The following EIF3H variants were observed in gnomAD, a reference collection of about 807,000 sequenced individuals.
EIF3H encodes the protein eukaryotic translation initiation factor 3 subunit H.
Under a neutral mutation model 44.2 loss-of-function variants are expected in EIF3H, and 26 were observed. That is an observed-to-expected ratio of 0.59 (90% confidence interval 0.43 to 0.82). The LOEUF (loss-of-function observed/expected upper bound fraction) is 0.82, where lower values mean the gene tolerates loss of function less well. EIF3H is among the 40% of genes least tolerant of loss of function. The pLI is 0.00. For synonymous variants in EIF3H, 166 were observed against 151.9 expected (o/e 1.09, Z -0.68); for missense variants, 359 against 432.8 (o/e 0.83, Z 1.51).
intron 2 of EIF3H, among the ~76,000 whole-genome samples, chr8:116,682,268 G>A (rs1350485827): frequency 2.0e-5 from 3 of 152,134 alleles, no homozygotes; most frequent in Non-Finnish European, 4.4e-5. Flanking sequence ...TGGCAATCGG[G>A]GCAATACATA....
chr8:116,746,773 A>G (rs1447523907), intron 1 of EIF3H, among the ~76,000 whole-genome samples: 1 of 152,264 alleles, frequency 6.6e-6, no homozygotes, highest in Non-Finnish European at 1.5e-5. Flanking sequence ...AATATAACTA[A>G]GCAATCAAAA....
chr8:116,672,679 A>G (rs1223938764), intron 2 of EIF3H, among the ~76,000 whole-genome samples: 1 of 152,092 alleles, frequency 6.6e-6, no homozygotes, highest in Non-Finnish European at 1.5e-5. Context: ...GTCAGTGGTC[A>G]GGAGAGGGAG....
At chr8:116,717,426 G>A (rs969000178) in intron 2 of EIF3H, among the ~76,000 whole-genome samples, 2 of 151,946 alleles carry the variant, frequency 1.3e-5, no homozygotes, top group Non-Finnish European at 2.9e-5. Context: ...AACCAAAAAA[G>A]AGCCTTCATG....
chr8:116,755,979 A>T (rs1815442237), upstream of EIF3H: 1 of 1,536,134 alleles, frequency 6.5e-7, no homozygotes, highest in African/African-American at 1.4e-5. Flanking sequence ...TCCTTTGTGC[A>T]TGCCTACTGT....
At chr8:116,650,674 T>G (rs112831881) in intron 5 of EIF3H, among the ~76,000 whole-genome samples, 128 of 152,326 alleles carry the variant, frequency 8.4e-4, no homozygotes, top group African/African-American at 2.8e-3. Flanking sequence ...AGGACTCTTT[T>G]CTTTTTTTTG....
intron 2 of EIF3H, among the ~76,000 whole-genome samples, chr8:116,701,302 C>T (rs1239869015): frequency 6.6e-6 from 1 of 152,134 alleles, no homozygotes; most frequent in Non-Finnish European, 1.5e-5. Flanking sequence ...TAAATCTCAG[C>T]CCCTGAGCTC....
chr8:116,681,184 A>T (rs185187871), intron 2 of EIF3H, among the ~76,000 whole-genome samples: 2 of 147,604 alleles, frequency 1.4e-5, no homozygotes, highest in East Asian at 3.9e-4. Flanking sequence ...ACAACATGGT[A>T]AAACCCTGTC....
intron 1 of EIF3H, among the ~76,000 whole-genome samples, chr8:116,727,021 T>A (rs1193306353): frequency 6.6e-6 from 1 of 152,224 alleles, no homozygotes; most frequent in Non-Finnish European, 1.5e-5. Flanking sequence ...AATTGTAATG[T>A]AAAGTTCTCA....
chr8:116,734,967 G>A (rs1216231748), intron 1 of EIF3H, among the ~76,000 whole-genome samples: 1 of 152,094 alleles, frequency 6.6e-6, no homozygotes, highest in African/African-American at 2.4e-5. Context: ...ATCCTTTCAG[G>A]AAAAGTTACC....
At chr8:116,686,906 A>G (rs1228130541) in intron 2 of EIF3H, among the ~76,000 whole-genome samples, 1 of 152,204 alleles carries the variant, frequency 6.6e-6, no homozygotes, top group East Asian at 1.9e-4. Context: ...TATACTATAT[A>G]TAGGAGAAAG....
At position 116,643,291 on chromosome 8, in the gene EIF3H, T is replaced by A. The variant is rs1813251597; in HGVS notation, c.*1715A>T. 6.6e-6 allele frequency: 1 copy of A among 152,236 alleles called. No homozygotes were observed. The highest frequency in any genetic ancestry group is 1.5e-5 in the Non-Finnish European group (1 of 68,038). 9.4% of individuals were successfully genotyped at this position (152,236 alleles called of 1,614,324 possible). ...AGGAGGGCAAAACAGCAGAAACTTT[T>A]GAAGGCAATTTGGCAATACAGGTAA... On this transcript the variant is annotated 3_prime_UTR_variant, in exon 8 of 8. Transcript: ENST00000521861.
At chr8:116,665,686 G>T (rs1415986638) in intron 2 of EIF3H, among the ~76,000 whole-genome samples, 3 of 152,126 alleles carry the variant, frequency 2.0e-5, no homozygotes, top group African/African-American at 7.2e-5. Context: ...AAAATTATAG[G>T]CCTCCTTCCC....
chr8:116,703,126 T>C (rs1045484750), intron 2 of EIF3H, among the ~76,000 whole-genome samples: 5 of 152,194 alleles, frequency 3.3e-5, no homozygotes, highest in African/African-American at 7.2e-5. Flanking sequence ...GTAGATATGA[T>C]TATATATGAA....
At chr8:116,750,471 G>A (rs900359696) in intron 1 of EIF3H, among the ~76,000 whole-genome samples, 70 of 148,356 alleles carry the variant, frequency 4.7e-4, no homozygotes, top group Admixed American at 3.7e-3. Context: ...GTGCAGTGGT[G>A]CAATCTCGGC....
rs77819420 is a variant in EIF3H, at chr8:116,694,809, G to C, written c.289+31207C>G. ...CACTAAATTATCTTCAGGAGAGATG[G>C]AGATACATACTACAGGAGATGAAGA... On this transcript the variant is annotated intron_variant, in intron 2 of 7. Transcript: ENST00000521861. 2.6e-5 allele frequency among the ~76,000 whole-genome samples: 4 copies of C among 152,260 alleles called. No individual in the cohort carries two copies. The East Asian group carries it at 7.7e-4, about 29-fold the overall frequency.
intron 2 of EIF3H, among the ~76,000 whole-genome samples, chr8:116,678,863 G>GT (rs1374997653): frequency 4.6e-5 from 6 of 130,598 alleles, no homozygotes; most frequent in African/African-American, 1.7e-4. Flanking sequence ...GAGGGAGGTG[G>GT]GGGGGGGTCA....
At chr8:116,686,926 T>C (rs1814087999) in intron 2 of EIF3H, among the ~76,000 whole-genome samples, 1 of 151,994 alleles carries the variant, frequency 6.6e-6, no homozygotes, top group Non-Finnish European at 1.5e-5. Context: ...GAATAAAAAA[T>C]AAAGCTGGGA....
chr8:116,722,898 A>G (rs1013138640), intron 2 of EIF3H, among the ~76,000 whole-genome samples: 18 of 152,260 alleles, frequency 1.2e-4, no homozygotes, highest in African/African-American at 4.1e-4. Context: ...ACATTCTTTT[A>G]AAACTTTGAA....
At chr8:116,743,795 T>TAC (rs1815177346) in intron 1 of EIF3H, among the ~76,000 whole-genome samples, 1 of 48,408 alleles carries the variant, frequency 2.1e-5, no homozygotes, top group African/African-American at 7.7e-5. Context: ...TATATATATA[T>TAC]ATAAACACAC....
Sources: allele counts gnomAD v4.1 joint callset (sites outside exome capture counted in the v4.1 genomes callset), GRCh38; gene constraint gnomAD v4.1.1; transcripts MANE v1.5; gene names NCBI Gene and HGNC (gene_info 2026-07-23, HGNC 2026-07-21).